Variants in HORMAD2 observed in about 807,000 individuals in gnomAD.
The protein encoded by HORMAD2 is HORMA domain-containing protein 2.
HORMAD2 carries 45 observed loss-of-function variants against 38.8 expected under a neutral mutation model. The observed-to-expected ratio is 1.16, with a 90% CI of 0.91 to 1.49. The LOEUF (loss-of-function observed/expected upper bound fraction) is 1.49, where lower values mean the gene tolerates loss of function less well. Ranked by LOEUF, HORMAD2 falls within the 40% of genes most tolerant of loss-of-function variation. The pLI is 0.00. For missense variants in HORMAD2, 338 were observed against 367.0 expected, an observed-to-expected ratio of 0.92 and a Z score of 0.65; for synonymous variants, 126 against 122.8, an observed-to-expected ratio of 1.03 and a Z score of -0.17.
chr22:30,134,132 C>T (rs1923482253), intron 10 of HORMAD2, among the ~76,000 whole-genome samples: 1 of 152,108 alleles, frequency 6.6e-6, no homozygotes, highest in South Asian at 2.1e-4. Context: ...GGTGTGGTGG[C>T]TAATGCCTGT....
chr22:30,156,119 C>T (rs950514470), intron 10 of HORMAD2, among the ~76,000 whole-genome samples: 4 of 152,218 alleles, frequency 2.6e-5, no homozygotes, highest in African/African-American at 7.2e-5. Context: ...TGCTCGCCCT[C>T]CACATGGTTG....
downstream of HORMAD2, chr22:30,177,111 G>T (rs938478114): frequency 6.6e-6 from 1 of 152,362 alleles, no homozygotes; most frequent in Non-Finnish European, 1.5e-5. Flanking sequence ...ACACAGAAAG[G>T]AAAAGTTTCT....
chr22:30,165,636 T>C (rs752920733), intron 10 of HORMAD2, among the ~76,000 whole-genome samples: 1 of 152,110 alleles, frequency 6.6e-6, no homozygotes, highest in Admixed American at 6.5e-5. Flanking sequence ...TTCTATATTT[T>C]GTTTTAATAG....
the HORMAD2 span, among the ~76,000 whole-genome samples, chr22:30,205,603 C>G: frequency 2.0e-5 from 3 of 152,176 alleles, no homozygotes; most frequent in Non-Finnish European, 4.4e-5. Context: ...GAAGGCAGGG[C>G]TGAGCCGGGG....
chr22:30,168,896 A>G (rs929503102), intron 10 of HORMAD2, among the ~76,000 whole-genome samples: 1 of 152,124 alleles, frequency 6.6e-6, no homozygotes, highest in African/African-American at 2.4e-5. Context: ...GGAACCCTTC[A>G]GGGCTCTCCA....
chr22:30,177,488 A>G (rs975671919), downstream of HORMAD2, among the ~76,000 whole-genome samples: 1 of 152,272 alleles, frequency 6.6e-6, no homozygotes, highest in East Asian at 1.9e-4. Flanking sequence ...TTCTTTTAGC[A>G]TATTAAGTGG....
intron 7 of HORMAD2, among the ~76,000 whole-genome samples, chr22:30,113,360 A>G (rs1046615384): frequency 6.6e-6 from 1 of 151,786 alleles, no homozygotes; most frequent in Non-Finnish European, 1.5e-5. Context: ...GACTACTGGC[A>G]TGCACCACCA....
intron 10 of HORMAD2, among the ~76,000 whole-genome samples, chr22:30,140,415 G>T (rs1485183590): frequency 6.6e-6 from 1 of 152,000 alleles, no homozygotes; most frequent in South Asian, 2.1e-4. Flanking sequence ...TCTGTGACTG[G>T]GCTTTTCTTT....
At chr22:30,098,765 A>G (rs1224115751) in intron 2 of HORMAD2, 87 bp from the exon 3 acceptor site, 9 of 1,141,476 alleles carry the variant, frequency 7.9e-6, no homozygotes, top group Non-Finnish European at 1.1e-5. Context: ...GTCCTGAGAA[A>G]TCTTTTCATC....
chr22:30,080,403 G>T (rs1269332799), upstream of HORMAD2: 1 of 152,298 alleles, frequency 6.6e-6, no homozygotes, highest in Admixed American at 6.5e-5. Context: ...GCCCAGAAAG[G>T]CCTCGTTGAC....
chr22:30,079,856 T>A (rs1213906059), upstream of HORMAD2, among the ~76,000 whole-genome samples: 2 of 152,130 alleles, frequency 1.3e-5, no homozygotes, highest in Non-Finnish European at 2.9e-5. Flanking sequence ...ATTTTTGTAT[T>A]TTTTGTAGAG....
At chr22:30,085,516 G>C (rs1430890632) in intron 1 of HORMAD2, among the ~76,000 whole-genome samples, 2 of 152,160 alleles carry the variant, frequency 1.3e-5, no homozygotes, top group African/African-American at 4.8e-5. Flanking sequence ...CACTTTGGGA[G>C]GCCAAAGTGG....
At chr22:30,092,030 C>T (rs1350089485) in intron 1 of HORMAD2, among the ~76,000 whole-genome samples, 1 of 149,914 alleles carries the variant, frequency 6.7e-6, no homozygotes, top group African/African-American at 2.5e-5. Context: ...GTGCATGCCA[C>T]CACACCTGGC....
chr22:30,119,087 G>T (rs1015731274), intron 8 of HORMAD2, 40 bp downstream of exon 8: 3 of 1,381,304 alleles, frequency 2.2e-6, no homozygotes, highest in South Asian at 1.3e-5. Flanking sequence ...AAATAAATAG[G>T]ATTGAGGTAA....
chr22:30,137,487 C>CA (rs1923746535), intron 10 of HORMAD2: 1 of 51,622 alleles, frequency 1.9e-5, no homozygotes, highest in Non-Finnish European at 3.6e-5. Context: ...GACCCTGTTT[C>CA]AAAAAAGGAA....
At chr22:30,124,658 T>C (rs1922708598) in intron 10 of HORMAD2, among the ~76,000 whole-genome samples, 1 of 152,198 alleles carries the variant, frequency 6.6e-6, no homozygotes, top group Non-Finnish European at 1.5e-5. Context: ...AAAGTTGAGA[T>C]TTAGCCATTG....
chr22:30,141,842 GC>G (rs1431732448), intron 10 of HORMAD2, among the ~76,000 whole-genome samples: 1 of 152,016 alleles, frequency 6.6e-6, no homozygotes, highest in Non-Finnish European at 1.5e-5. Flanking sequence ...TGATCTGCCC[GC>G]CTTGGACTCC....
the HORMAD2 span, among the ~76,000 whole-genome samples, chr22:30,202,149 G>A: frequency 5.9e-5 from 9 of 152,222 alleles, no homozygotes; most frequent in Admixed American, 2.0e-4. Context: ...AAATATGTAC[G>A]AGGCCTGTTA....
At chr22:30,201,690 A>T in the HORMAD2 span, among the ~76,000 whole-genome samples, 1 of 152,030 alleles carries the variant, frequency 6.6e-6, no homozygotes, top group Non-Finnish European at 1.5e-5. Context: ...TGCTGGGATT[A>T]CAGGCGTGAG....
Sources: allele counts gnomAD v4.1 joint callset (sites outside exome capture counted in the v4.1 genomes callset), GRCh38; gene constraint gnomAD v4.1.1; transcripts MANE v1.5; gene names NCBI Gene and HGNC (gene_info 2026-07-23, HGNC 2026-07-21).